The following EHBP1 variants were observed in gnomAD, a reference collection of about 807,000 sequenced individuals.
The protein encoded by EHBP1 is EH domain-binding protein 1.
A neutral mutation model predicts 144.0 loss-of-function variants in EHBP1; 55 were observed. The observed-to-expected ratio is 0.38, with a 90% confidence interval of 0.31 to 0.48. EHBP1 has a LOEUF of 0.48. EHBP1 is among the 20% of genes least tolerant of loss of function. The pLI is 0.98. For synonymous variants in EHBP1, 469 were observed against 472.7 expected (o/e 0.99, Z 0.10); for missense variants, 1,200 against 1,364.2 (o/e 0.88, Z 1.90).
intron 14 of EHBP1, among the ~76,000 whole-genome samples, chr2:62,975,616 G>T (rs1160629359): frequency 6.6e-6 from 1 of 151,990 alleles, no homozygotes; most frequent in Non-Finnish European, 1.5e-5. Context: ...ATAAAGTAGA[G>T]CTAGGCCAGG....
At chr2:62,688,352 T>A (rs948261850) in intron 1 of EHBP1, among the ~76,000 whole-genome samples, 1 of 152,108 alleles carries the variant, frequency 6.6e-6, no homozygotes, top group Non-Finnish European at 1.5e-5. Context: ...TTATTAAAAA[T>A]TTTTTTCATT....
intron 10 of EHBP1, among the ~76,000 whole-genome samples, chr2:62,894,927 A>AAGAGAGAGAGAGAGAGAGAGAG (rs57403564): frequency 4.3e-4 from 61 of 141,198 alleles, no homozygotes; most frequent in African/African-American, 1.6e-3. Context: ...AACAGAAAGA[A>AAGAGAGAGAGAGAGAGAGAGAG]AGAGAGAGAG....
intron 8 of EHBP1, among the ~76,000 whole-genome samples, chr2:62,861,413 C>A (rs1443944217): frequency 1.3e-5 from 2 of 150,442 alleles, no homozygotes; most frequent in African/African-American, 4.9e-5. Flanking sequence ...CAGGCGTGAG[C>A]CACCGCGCCC....
intron 1 of EHBP1, among the ~76,000 whole-genome samples, chr2:62,691,069 GA>G (rs530564721): frequency 2.0e-5 from 3 of 152,190 alleles, no homozygotes; most frequent in Non-Finnish European, 2.9e-5. Flanking sequence ...TTAATTTTTT[GA>G]AAGAGTGAAC....
intron 5 of EHBP1, among the ~76,000 whole-genome samples, chr2:62,808,667 A>G (rs533613897): frequency 1.3e-5 from 2 of 151,040 alleles, no homozygotes; most frequent in African/African-American, 2.4e-5. Flanking sequence ...TTTTTCTTTT[A>G]GTATGCCTGG....
chr2:62,690,697 G>A (rs2033877771), intron 1 of EHBP1, among the ~76,000 whole-genome samples: 1 of 151,994 alleles, frequency 6.6e-6, no homozygotes, highest in South Asian at 2.1e-4. Flanking sequence ...CTCCTACCAG[G>A]GAGACAAAGT....
intron 8 of EHBP1, among the ~76,000 whole-genome samples, chr2:62,863,120 T>C (rs1005527435): frequency 6.7e-6 from 1 of 150,144 alleles, no homozygotes; most frequent in Non-Finnish European, 1.5e-5. Context: ...CTGTCTCTAC[T>C]AAAAATACAA....
At chr2:62,820,260 GAAAC>G (rs1415183789) in intron 5 of EHBP1, among the ~76,000 whole-genome samples, 5 of 142,034 alleles carry the variant, frequency 3.5e-5, no homozygotes, top group African/African-American at 7.7e-5. Context: ...TTGAAGATAA[GAAAC>G]AAATTTTTAA....
intron 7 of EHBP1, among the ~76,000 whole-genome samples, chr2:62,848,463 C>A (rs191404836): frequency 6.6e-6 from 1 of 152,236 alleles, no homozygotes; most frequent in East Asian, 1.9e-4. Flanking sequence ...AAATATATGT[C>A]TCCAAAAAGA....
intron 2 of EHBP1, among the ~76,000 whole-genome samples, chr2:62,726,373 T>C (rs1263269136): frequency 2.6e-5 from 4 of 152,210 alleles, no homozygotes; most frequent in Admixed American, 6.5e-5. Context: ...CTGGAATGAT[T>C]ACTGGTGTGC....
intron 1 of EHBP1, among the ~76,000 whole-genome samples, chr2:62,677,465 G>A (rs994441299): frequency 2.0e-5 from 3 of 151,910 alleles, no homozygotes; most frequent in East Asian, 1.9e-4. Flanking sequence ...TGTGTCCACC[G>A]CCTCAAGCAT....
At chr2:62,895,584 G>A (rs1394075380) in intron 10 of EHBP1, among the ~76,000 whole-genome samples, 1 of 152,092 alleles carries the variant, frequency 6.6e-6, no homozygotes, top group Non-Finnish European at 1.5e-5. Flanking sequence ...TATACCAGTG[G>A]ATACTATTTG....
At chr2:62,914,505 G>A (rs1216713476) in intron 10 of EHBP1, among the ~76,000 whole-genome samples, 3 of 151,880 alleles carry the variant, frequency 2.0e-5, no homozygotes, top group Non-Finnish European at 4.4e-5. Context: ...TATTAGTTTA[G>A]GTTTTATTTT....
chr2:62,843,422 G>A (rs1202091884), intron 7 of EHBP1, among the ~76,000 whole-genome samples: 1 of 151,488 alleles, frequency 6.6e-6, no homozygotes, highest in African/African-American at 2.4e-5. Flanking sequence ...TTTCTAAAAG[G>A]AATGAATGTA....
At position 62,921,464 on chromosome 2, in the gene EHBP1, G is replaced by T. The variant is rs192676711; in HGVS notation, c.1186-21254G>T. ...TGTCTCAAAAAAGAAAAAAAAAAAA[G>T]TAATCCCCATGATAACCACAAAGAA... On this transcript the variant is annotated intron_variant, in intron 10 of 22. Transcript: ENST00000431489. 2.6e-3 allele frequency among the ~76,000 whole-genome samples: 390 copies of T among 150,382 alleles called. 3 individuals carry two copies. Among genetic ancestry groups the T allele is most frequent in the African/African-American group, 9.0e-3 (368 of 40,958 alleles).
At chr2:62,956,125 A>C (rs1372675530) in intron 14 of EHBP1, 1 of 152,406 alleles carries the variant, frequency 6.6e-6, no homozygotes, top group Non-Finnish European at 1.5e-5. Context: ...AAGGTCACAG[A>C]GTCAATAAAT....
chr2:62,983,334 A>C (rs910593253), intron 15 of EHBP1, among the ~76,000 whole-genome samples: 2 of 152,058 alleles, frequency 1.3e-5, no homozygotes, highest in African/African-American at 4.8e-5. Flanking sequence ...TACGTATTAA[A>C]TTTTTGTTAA....
At chr2:63,012,634 C>T (rs1415711327) in intron 19 of EHBP1, among the ~76,000 whole-genome samples, 2 of 152,074 alleles carry the variant, frequency 1.3e-5, no homozygotes, top group African/African-American at 2.4e-5. Context: ...TTTTGGCCCT[C>T]ATTTCAGAGG....
intron 15 of EHBP1, among the ~76,000 whole-genome samples, chr2:62,985,390 A>G (rs945198003): frequency 6.6e-6 from 1 of 152,214 alleles, no homozygotes; most frequent in Admixed American, 6.5e-5. Flanking sequence ...CAGTACTTAT[A>G]TTACTACTAA....
Sources: allele counts gnomAD v4.1 joint callset (sites outside exome capture counted in the v4.1 genomes callset), GRCh38; gene constraint gnomAD v4.1.1; transcripts MANE v1.5; gene names NCBI Gene and HGNC (gene_info 2026-07-23, HGNC 2026-07-21).